Variants in CRACR2A observed in about 807,000 individuals in gnomAD.
CRACR2A encodes the protein EF-hand calcium-binding domain-containing protein 4B.
CRACR2A carries 79 observed loss-of-function variants against 90.5 expected under a neutral mutation model. The ratio of observed to expected loss-of-function variants is 0.87; its 90% CI spans 0.73 to 1.05. The LOEUF is 1.05. Among genes scored for constraint, CRACR2A ranks in the 50% least tolerant of loss-of-function variants. The pLI is 0.00. For synonymous variants in CRACR2A, 338 were observed against 356.7 expected (o/e 0.95, Z 0.59); for missense variants, 823 against 897.2 (o/e 0.92, Z 1.06).
intron 4 of CRACR2A, among the ~76,000 whole-genome samples, chr12:3,690,291 C>T (rs1446729081): frequency 6.6e-6 from 1 of 152,128 alleles, no homozygotes; most frequent in African/African-American, 2.4e-5. Flanking sequence ...TTAATGTGAG[C>T]ATTTAGTGCT....
Position 3,627,999 on chromosome 12 carries a change from TTCCC to T in CRACR2A, c.1736-297_1736-294del, listed in dbSNP as rs145476593. ...GTAATACAAGCCATACACTCTTTCT[TTCCC>T]TCCCTCCCTCCCTCCCTCTCTCCTT... is the stretch of plus-strand genomic sequence containing the variant. On this transcript the variant is annotated intron_variant, in intron 15 of 19. Coordinates refer to ENST00000440314, the MANE Select transcript of CRACR2A (RefSeq NM_001144958.2). Among the ~76,000 whole-genome samples, 934 of 146,078 alleles carry T rather than the reference TTCCC, an allele frequency of 6.4e-3. 9 individuals carry two copies. The highest frequency in any genetic ancestry group is 0.033 in the East Asian group (161 of 4,808).
chr12:3,731,051 T>C (rs1471457484), intron 2 of CRACR2A: 3 of 152,146 alleles, frequency 2.0e-5, no homozygotes, highest in African/African-American at 7.2e-5. Context: ...GCTCCAAAAC[T>C]GGAGAGGCAG....
chr12:3,683,606 T>C (rs946691002), intron 4 of CRACR2A, among the ~76,000 whole-genome samples: 6 of 152,144 alleles, frequency 3.9e-5, no homozygotes, highest in Non-Finnish European at 7.4e-5. Context: ...TTATACAAGC[T>C]CCCCAAACTA....
chr12:3,668,423 T>C (rs1056640065), intron 7 of CRACR2A, among the ~76,000 whole-genome samples: 1 of 152,136 alleles, frequency 6.6e-6, no homozygotes, highest in Non-Finnish European at 1.5e-5. Flanking sequence ...TTAGACTCCC[T>C]AGGGGAGGGG....
intron 3 of CRACR2A, among the ~76,000 whole-genome samples, chr12:3,699,334 C>A (rs1315909821): frequency 6.6e-6 from 1 of 152,096 alleles, no homozygotes; most frequent in Non-Finnish European, 1.5e-5. Context: ...TACTGATTAC[C>A]ATGCAGCAAG....
intron 17 of CRACR2A, among the ~76,000 whole-genome samples, chr12:3,619,809 G>C (rs1358300177): frequency 6.6e-6 from 1 of 152,240 alleles, no homozygotes; most frequent in East Asian, 1.9e-4. Flanking sequence ...CCATGGTTTG[G>C]AGTTGTTCTG....
At chr12:3,635,460 C>A (rs768271405) in intron 14 of CRACR2A, among the ~76,000 whole-genome samples, 10 of 152,188 alleles carry the variant, frequency 6.6e-5, no homozygotes, top group Non-Finnish European at 1.3e-4. Flanking sequence ...GAAATTAATT[C>A]TTCATAGTCT....
chr12:3,744,356 C>T (rs142803115), intron 1 of CRACR2A, among the ~76,000 whole-genome samples: 343 of 152,308 alleles, frequency 2.3e-3, no homozygotes, highest in Non-Finnish European at 3.9e-3. Context: ...TAATACAAAC[C>T]CAGATCCGTG....
In CRACR2A at chr12:3,675,835, C is replaced by T. The variant is rs1378570627; in HGVS notation, c.525-2243G>A. On this transcript the variant is annotated intron_variant, in intron 6 of 19. Transcript: ENST00000440314. ...GAACCCTCAGGAGAAGGAATAAAAT[C>T]CTTTGTGCTTGCGTTATTAAGCATT... Among the ~76,000 whole-genome samples, 9 of 152,240 alleles carry T rather than the reference C, an allele frequency of 5.9e-5. No homozygotes were observed. In the South Asian group the frequency reaches 1.2e-3, roughly 21 times the overall value.
chr12:3,641,766 C>A lies in CRACR2A; in HGVS notation c.1237G>T (p.Gly413Cys), dbSNP rs1452210310. Residue 413 changes from glycine to cysteine, a missense_variant, in exon 13 of 20, where the codon GGC becomes TGC. By Grantham distance (159) the Gly-to-Cys change is radical (BLOSUM62 -3). Transcript: ENST00000440314. ...SWKKRSGSVIGKYVDSRGILR... is the reference protein window; with the variant it reads ...SWKKRSGSVICKYVDSRGILR... The stretch of plus-strand genomic sequence containing the variant: ...ATCCCTCTGCTGTCCACATATTTGC[C>A]TATCACAGAGCCAGATCTCTTTTTC... 6 of 1,551,720 alleles carry A rather than the reference C, an allele frequency of 3.9e-6. No homozygotes were observed. The South Asian group carries it at 7.1e-5, about 18-fold the overall frequency.
chr12:3,654,341 G>C lies in CRACR2A; in HGVS notation c.917C>G (p.Thr306Ser). The C allele has an allele frequency of 6.2e-7, 1 of 1,613,936 alleles. No homozygotes were observed. The highest frequency in any genetic ancestry group is 8.5e-7 in the Non-Finnish European group (1 of 1,179,934). The change falls in exon 10 of 20, where the codon ACC becomes AGC. Residue 306 changes from threonine (T) to serine (S), a missense_variant. By Grantham distance (58) the Thr-to-Ser change is moderately conservative. Coordinates refer to ENST00000440314, the MANE Select transcript of CRACR2A (RefSeq NM_001144958.2). ...CTCCTGGTTAGTGAGTTTCAGCTTG[G>C]TATTCTCAGCCTTGGTCTCATGCTT... ...HDKHETKAEN[T>S]KLKLTNQELA...
intron 7 of CRACR2A, among the ~76,000 whole-genome samples, chr12:3,669,078 C>T (rs1945196248): frequency 6.6e-6 from 1 of 152,216 alleles, no homozygotes; most frequent in Non-Finnish European, 1.5e-5. Context: ...GGCCTTTGAT[C>T]TAGAAAACAC....
intron 1 of CRACR2A, among the ~76,000 whole-genome samples, chr12:3,744,765 G>A (rs183894074): frequency 6.6e-6 from 1 of 152,286 alleles, no homozygotes; most frequent in Non-Finnish European, 1.5e-5. Context: ...ATCTGATGGT[G>A]AGGCCATTGT....
rs147186520 is a variant in CRACR2A, at chr12:3,746,948, C to T, written c.-387+6067G>A. 2.8e-4 allele frequency among the ~76,000 whole-genome samples: 43 copies of T among 152,344 alleles called. No individual in the cohort carries two copies. The highest frequency in any genetic ancestry group is 9.4e-4 in the African/African-American group (39 of 41,568). The stretch of plus-strand genomic sequence containing the variant: ...CATGGGATCACATGTGCGTGGACCA[C>T]GTGCTTCCTCACATCCCTTAACTCA... On this transcript the variant is annotated intron_variant, in intron 1 of 19. Coordinates refer to ENST00000440314, the MANE Select transcript of CRACR2A (RefSeq NM_001144958.2). The surrounding 1 kb of genome is among the most constrained non-coding windows in gnomAD (Gnocchi z 4.4).
intron 4 of CRACR2A, among the ~76,000 whole-genome samples, chr12:3,688,160 T>G (rs958743565): frequency 1.2e-4 from 18 of 152,254 alleles, no homozygotes; most frequent in Non-Finnish European, 2.4e-4. Flanking sequence ...CTGTTGATAG[T>G]TTCTTTTGCT....
chr12:3,739,982 C>T (rs934263236), intron 1 of CRACR2A, among the ~76,000 whole-genome samples: 2 of 152,020 alleles, frequency 1.3e-5, no homozygotes, highest in African/African-American at 4.8e-5. Flanking sequence ...GGGATATACC[C>T]CAGATTCTAG....
At chr12:3,646,561 AG>A (rs1181636795) in intron 11 of CRACR2A, among the ~76,000 whole-genome samples, 1 of 152,206 alleles carries the variant, frequency 6.6e-6, no homozygotes, top group Non-Finnish European at 1.5e-5. Flanking sequence ...GGTTGTTTTC[AG>A]TTACCTGCAT....
chr12:3,691,864 T>A (rs1466966499), intron 4 of CRACR2A, among the ~76,000 whole-genome samples: 2 of 152,260 alleles, frequency 1.3e-5, no homozygotes, highest in Non-Finnish European at 2.9e-5. Context: ...TTTTTCTCTA[T>A]TCTTGTCTGA....
intron 10 of CRACR2A, among the ~76,000 whole-genome samples, chr12:3,650,066 C>A (rs911456468): frequency 6.6e-6 from 1 of 152,194 alleles, no homozygotes; most frequent in African/African-American, 2.4e-5. Context: ...TACAAGGGTT[C>A]ATAGTTTCAC....
Sources: gnomAD v4.1 joint callset for allele counts (sites outside exome capture counted in the v4.1 genomes callset) on GRCh38, gnomAD v4.1.1 for gene constraint, Gnocchi (gnomAD v3.1) non-coding constraint, MANE v1.5 for transcripts, NCBI Gene and HGNC (gene_info 2026-07-23, HGNC 2026-07-21) for gene names.